Variants in WDR49 observed in about 807,000 individuals in gnomAD.
The protein encoded by WDR49 is WD repeat domain 49.
A neutral mutation model predicts 119.5 loss-of-function variants in WDR49; 107 were observed. The observed-to-expected ratio is 0.90, with a 90% CI of 0.77 to 1.05. The LOEUF (loss-of-function observed/expected upper bound fraction) is 1.05. WDR49 is among the 50% of genes least tolerant of loss of function. The pLI, the probability that WDR49 is intolerant of heterozygous loss-of-function variation, is 0.00. For missense variants in WDR49, 1,240 were observed against 1,220.5 expected (o/e 1.02, Z -0.24); for synonymous variants, 425 against 418.8 (o/e 1.01, Z -0.18).
intron 7 of WDR49, among the ~76,000 whole-genome samples, chr3:167,584,289 T>C (rs1260508145): frequency 6.6e-6 from 1 of 152,118 alleles, no homozygotes; most frequent in Non-Finnish European, 1.5e-5. Flanking sequence ...AATTAAAGCA[T>C]GCAATTTTTA....
At chr3:167,507,173 G>T (rs144651430) in intron 16 of WDR49, among the ~76,000 whole-genome samples, 1 of 152,062 alleles carries the variant, frequency 6.6e-6, no homozygotes, top group East Asian at 1.9e-4. Flanking sequence ...GGATGGGGGG[G>T]TAGTTAATCA....
At chr3:167,573,430 A>ACAC (rs1553867426) in intron 8 of WDR49, among the ~76,000 whole-genome samples, 130 of 145,480 alleles carry the variant, frequency 8.9e-4, no homozygotes, top group African/African-American at 3.1e-3. Context: ...ACACACACAC[A>ACAC]ACACAAATAG....
upstream of WDR49, among the ~76,000 whole-genome samples, chr3:167,655,995 A>T (rs557987654): frequency 6.6e-6 from 1 of 152,262 alleles, no homozygotes; most frequent in East Asian, 1.9e-4. Flanking sequence ...AGGGCTTTAC[A>T]GTCTAGTCAG....
chr3:167,487,755 G>A (rs1056335178), intron 18 of WDR49, among the ~76,000 whole-genome samples: 1 of 151,866 alleles, frequency 6.6e-6, no homozygotes, highest in South Asian at 2.1e-4. Context: ...ACATACAAGT[G>A]GCCAAGAAAC....
At chr3:167,646,972 G>T (rs1718157826) in intron 2 of WDR49, among the ~76,000 whole-genome samples, 1 of 152,118 alleles carries the variant, frequency 6.6e-6, no homozygotes, top group Non-Finnish European at 1.5e-5. Flanking sequence ...CAGTTTAGAG[G>T]ATTCCTATTT....
chr3:167,500,451 T>C lies in WDR49; in HGVS notation c.2885-152A>G, dbSNP rs549169248. The C allele has an allele frequency of 1.6e-5, 14 of 861,290 alleles. No homozygotes were observed. The East Asian group carries it at 4.3e-4, about 26-fold the overall frequency. The allele number at this position is 861,290 out of a possible 1,614,324, so 53.4% of individuals were successfully genotyped here. A position where few individuals can be genotyped will look rare whatever the true frequency, so the allele number is the denominator to read the frequency against. On this transcript the variant is annotated intron_variant, in intron 17 of 18. Transcript: ENST00000682715. ...TACAGCTGCAGTGATCTGCAAACCCTACAAACACAGCTGTTCAAAATAAAT... is the reference window on the plus strand; with the variant it reads ...TACAGCTGCAGTGATCTGCAAACCCCACAAACACAGCTGTTCAAAATAAAT...
At chr3:167,587,376 A>G (rs1015481309) in intron 7 of WDR49, among the ~76,000 whole-genome samples, 5 of 152,214 alleles carry the variant, frequency 3.3e-5, no homozygotes, top group South Asian at 2.1e-4. Flanking sequence ...ACTCAAAGTA[A>G]TATGTCTTCA....
At chr3:167,618,119 C>A (rs1716690434) in intron 5 of WDR49, among the ~76,000 whole-genome samples, 1 of 152,084 alleles carries the variant, frequency 6.6e-6, no homozygotes, top group East Asian at 1.9e-4. Flanking sequence ...GCTCATGTTG[C>A]CCACGTTCTC....
intron 15 of WDR49, among the ~76,000 whole-genome samples, chr3:167,523,518 G>T (rs1752528542): frequency 6.6e-6 from 1 of 151,868 alleles, no homozygotes; most frequent in South Asian, 2.1e-4. Context: ...ACATGCATTA[G>T]GTATTTATCC....
chr3:167,554,957 T>C (rs1168228570), intron 9 of WDR49, among the ~76,000 whole-genome samples, 159 bp from the exon 10 acceptor site: 1 of 152,216 alleles, frequency 6.6e-6, no homozygotes, highest in Non-Finnish European at 1.5e-5. Context: ...AAATATCTAG[T>C]TGGTCTTCAT....
intron 7 of WDR49, among the ~76,000 whole-genome samples, chr3:167,586,142 C>T (rs934447378): frequency 2.6e-5 from 4 of 152,150 alleles, no homozygotes; most frequent in Admixed American, 6.6e-5. Context: ...AAGGATTAAG[C>T]CACAAACTGA....
In WDR49 at chr3:167,562,756, C is replaced by G. The variant is rs1048188368; in HGVS notation, c.1510-2528G>C. Among the ~76,000 whole-genome samples the G allele has an allele frequency of 9.2e-5, 14 of 152,294 alleles. No individual in the cohort carries two copies. The East Asian group carries it at 2.5e-3, about 27-fold the overall frequency. Reference sequence around the variant, plus strand: ...GCTGCCTCACTAACTATTGTTCTACCTCGGACATTAAGGGCAAGCACATTA... The same window carrying G: ...GCTGCCTCACTAACTATTGTTCTACGTCGGACATTAAGGGCAAGCACATTA... On this transcript the variant is annotated intron_variant, in intron 8 of 18. Transcript: ENST00000682715.
intron 8 of WDR49, among the ~76,000 whole-genome samples, chr3:167,563,822 T>C (rs1033475378): frequency 6.6e-6 from 1 of 152,164 alleles, no homozygotes; most frequent in African/African-American, 2.4e-5. Flanking sequence ...AGTCACCATA[T>C]AGTGCTATAG....
intron 8 of WDR49, among the ~76,000 whole-genome samples, chr3:167,567,760 A>G (rs1212462330): frequency 6.6e-6 from 1 of 152,174 alleles, no homozygotes; most frequent in Non-Finnish European, 1.5e-5. Context: ...TAGTCTTGAA[A>G]TCATAAGATT....
At chr3:167,536,364 A>G (rs924520954) in intron 11 of WDR49, among the ~76,000 whole-genome samples, 1 of 152,078 alleles carries the variant, frequency 6.6e-6, no homozygotes, top group East Asian at 1.9e-4. Flanking sequence ...TATTAATATT[A>G]TGTGTCAATC....
intron 5 of WDR49, among the ~76,000 whole-genome samples, chr3:167,619,271 G>A (rs1211263449): frequency 1.3e-5 from 2 of 152,112 alleles, no homozygotes; most frequent in African/African-American, 4.8e-5. Flanking sequence ...ATGTTTTTCA[G>A]AAGAAGTTGA....
rs187357245 is a variant in WDR49, at chr3:167,557,241, T to G, written c.1675-2443A>C. 3.4e-4 allele frequency among the ~76,000 whole-genome samples: 52 copies of G among 152,078 alleles called. 2 individuals are homozygous for G. The highest frequency in any genetic ancestry group is 2.6e-3 in the Admixed American group (40 of 15,270). On this transcript the variant is annotated intron_variant, in intron 9 of 18. Transcript: ENST00000682715. ...TAAAAGGCATATACCCTTTAAAAAT[T>G]TAGCTTCTAGAAAGTCATCTCACAG...
At chr3:167,623,162 G>T (rs1031508497) in intron 3 of WDR49, among the ~76,000 whole-genome samples, 1 of 151,828 alleles carries the variant, frequency 6.6e-6, no homozygotes, top group Non-Finnish European at 1.5e-5. Flanking sequence ...TACGGCAAAG[G>T]TAACACCTCC....
chr3:167,574,760 A>G (rs1160020254), intron 8 of WDR49, among the ~76,000 whole-genome samples: 1 of 152,164 alleles, frequency 6.6e-6, no homozygotes, highest in Non-Finnish European at 1.5e-5. Context: ...ACACAAATTT[A>G]GCATTTTAAC....
Sources: allele counts gnomAD v4.1 joint callset (sites outside exome capture counted in the v4.1 genomes callset), GRCh38; gene constraint gnomAD v4.1.1; transcripts MANE v1.5; gene names NCBI Gene and HGNC (gene_info 2026-07-23, HGNC 2026-07-21).